The following FHOD3 variants were observed in gnomAD, a reference collection of about 807,000 sequenced individuals.
FHOD3 encodes the protein formin homology 2 domain containing 3.
Under a neutral mutation model 173.0 loss-of-function variants are expected in FHOD3, and 90 were observed. That is an observed-to-expected ratio of 0.52 (90% CI 0.44 to 0.62). FHOD3 has a LOEUF of 0.62. FHOD3 is among the 20% of genes least tolerant of loss of function. The probability of loss-of-function intolerance (pLI) is 0.00; values close to 1 mark genes in which losing one functional copy is unlikely to be tolerated. For synonymous variants in FHOD3, 828 were observed against 823.0 expected (o/e 1.01, Z -0.10); for missense variants, 1,945 against 2,034.7 (o/e 0.96, Z 0.85).
rs891891096 is a variant in FHOD3, at chr18:36,522,262, A to G, written c.511+9719A>G. On this transcript the variant is annotated intron_variant, in intron 5 of 28. Coordinates refer to ENST00000590592, the MANE Select transcript of FHOD3 (RefSeq NM_001281740.3). Reference sequence around the variant, plus strand: ...GAAGAATGATAGACTATCTGCAGAGAAAGAGAAGTCACTACTTGTGAGAAA... The same window carrying G: ...GAAGAATGATAGACTATCTGCAGAGGAAGAGAAGTCACTACTTGTGAGAAA... Among the ~76,000 whole-genome samples, 4 of 152,318 alleles carry G rather than the reference A, an allele frequency of 2.6e-5. No homozygotes were observed. In the East Asian group the frequency reaches 7.7e-4, roughly 29 times the overall value.
At chr18:36,467,481 C>T (rs761139781) in intron 3 of FHOD3, among the ~76,000 whole-genome samples, 1 of 152,126 alleles carries the variant, frequency 6.6e-6, no homozygotes, top group African/African-American at 2.4e-5. Context: ...CCCTTCTTCC[C>T]TTCCAGGGCA....
chr18:36,743,857 G>T (rs1041140410), intron 22 of FHOD3, among the ~76,000 whole-genome samples, 175 bp from the exon 23 acceptor site: 1 of 152,156 alleles, frequency 6.6e-6, no homozygotes, highest in Non-Finnish European at 1.5e-5. Context: ...CTCATTCTCA[G>T]GGTGGCTGGC....
At chr18:36,490,411 C>G (rs1004963807) in intron 3 of FHOD3, among the ~76,000 whole-genome samples, 5 of 152,118 alleles carry the variant, frequency 3.3e-5, no homozygotes, top group African/African-American at 1.2e-4. Flanking sequence ...AATGGCTTTG[C>G]TTGGGCTTTC....
intron 14 of FHOD3, among the ~76,000 whole-genome samples, chr18:36,660,942 G>A (rs16968136): frequency 0.024 from 3,716 of 152,274 alleles, 157 homozygotes; most frequent in African/African-American, 0.085. Context: ...GAGCGAGTAC[G>A]GTAGCTTCTA....
intron 3 of FHOD3, among the ~76,000 whole-genome samples, chr18:36,433,219 G>A (rs1463797831): frequency 3.3e-5 from 5 of 152,134 alleles, no homozygotes; most frequent in Admixed American, 6.5e-5. Context: ...TCACATTCAC[G>A]AGTCTAACCC....
At chr18:36,411,190 G>T (rs2049335824) in intron 3 of FHOD3, among the ~76,000 whole-genome samples, 1 of 151,910 alleles carries the variant, frequency 6.6e-6, no homozygotes, top group Non-Finnish European at 1.5e-5. Context: ...GTGAGGTAGG[G>T]GTCCAATTTA....
intron 1 of FHOD3, among the ~76,000 whole-genome samples, chr18:36,334,819 C>A (rs771749056): frequency 8.5e-5 from 13 of 152,196 alleles, no homozygotes; most frequent in Non-Finnish European, 1.9e-4. Context: ...AAAAGTGTGA[C>A]TGAAAGAGGG....
intron 5 of FHOD3, among the ~76,000 whole-genome samples, chr18:36,543,854 A>G (rs1310807694): frequency 6.6e-6 from 1 of 152,220 alleles, no homozygotes; most frequent in East Asian, 1.9e-4. Context: ...AAAAATGTTT[A>G]TGGAAAAAAG....
intron 3 of FHOD3, among the ~76,000 whole-genome samples, chr18:36,471,933 T>A (rs16967888): frequency 0.021 from 3,227 of 152,286 alleles, 44 homozygotes; most frequent in Non-Finnish European, 0.034. Flanking sequence ...TGTGAAAGAA[T>A]CCAATCCAGA....
At chr18:36,422,849 A>T (rs943764108) in intron 3 of FHOD3, among the ~76,000 whole-genome samples, 1 of 152,222 alleles carries the variant, frequency 6.6e-6, no homozygotes, top group African/African-American at 2.4e-5. Context: ...GGAAGGGTGT[A>T]TCAGGAAGAT....
chr18:36,760,840 G>A lies in FHOD3; in HGVS notation c.4624+58G>A, dbSNP rs925654081. On this transcript the variant is annotated intron_variant, in intron 27 of 28. Coordinates refer to ENST00000590592, the MANE Select transcript of FHOD3 (RefSeq NM_001281740.3). ...TTCTCAGGTTGGCCGCTCTGGGGGGGTCCGGTCTCCATCGCAGGCTGCGGT... is the reference window on the plus strand; with the variant it reads ...TTCTCAGGTTGGCCGCTCTGGGGGGATCCGGTCTCCATCGCAGGCTGCGGT... The A allele has an allele frequency of 2.0e-5, 30 of 1,507,202 alleles. No individual in the cohort carries two copies. In the Admixed American group the frequency reaches 4.0e-4, roughly 20 times the overall value. The allele number at this position is 1,507,202 out of a possible 1,614,324, so 93.4% of individuals were successfully genotyped here.
At chr18:36,722,397 A>G (rs1356829311) in intron 19 of FHOD3, among the ~76,000 whole-genome samples, 1 of 152,206 alleles carries the variant, frequency 6.6e-6, no homozygotes, top group East Asian at 1.9e-4. Flanking sequence ...CAGCCAGACC[A>G]AAACAGACAT....
In FHOD3 at chr18:36,769,393, G is replaced by A; in HGVS notation, c.4753G>A (p.Glu1585Lys). ...QVPSQRVVPRERKRSRANRKS... is the reference protein window; with the variant it reads ...QVPSQRVVPRKRKRSRANRKS... ...GCCCAGTCAGCGAGTGGTGCCGAGG[G>A]AGAGGAAACGATCCCGGGCCAACCG... The change falls in exon 28 of 29, where the codon GAG (glutamate) becomes AAG (lysine). Residue 1585 changes from glutamate (E) to lysine (K), a missense_variant. By Grantham distance (56) the Glu-to-Lys change is moderately conservative (BLOSUM62 1). Coordinates refer to ENST00000590592, the MANE Select transcript of FHOD3 (RefSeq NM_001281740.3). 6.2e-7 allele frequency: 1 copy of A among 1,614,166 alleles called. No homozygotes were observed. The highest frequency in any genetic ancestry group is 8.5e-7 in the Non-Finnish European group (1 of 1,180,028).
In FHOD3 at chr18:36,576,496, T is replaced by A; in HGVS notation, c.557T>A (p.Ile186Lys). The A allele has an allele frequency of 1.9e-6, 3 of 1,613,940 alleles. No homozygotes were observed. In the South Asian group the frequency reaches 3.3e-5, roughly 18 times the overall value. ...TATGTGGATGGAATGAATGGAGTAA[T>A]AAACCGCAATGAAACCATTCAGTGG... Reference protein sequence around the residue: ...MLYVDGMNGVINRNETIQWLY... With the variant: ...MLYVDGMNGVKNRNETIQWLY... The change falls in exon 6 of 29, where the codon ATA becomes AAA. Residue 186 changes from isoleucine (I) to lysine (K), a missense_variant. Around this residue, in one of 5 missense-constraint regions of FHOD3, gnomAD observed 245 missense variants for 267.7 expected, o/e 0.92. Coordinates refer to ENST00000590592, the MANE Select transcript of FHOD3 (RefSeq NM_001281740.3).
intron 1 of FHOD3, among the ~76,000 whole-genome samples, chr18:36,307,088 C>G (rs760406427): frequency 1.8e-4 from 27 of 152,168 alleles, no homozygotes; most frequent in South Asian, 6.2e-4. Flanking sequence ...CTCAGCCTCC[C>G]AAGTAGCTGG....
rs113292593 is a variant in FHOD3, at chr18:36,479,831, G to C, written c.338-22101G>C. On this transcript the variant is annotated intron_variant, in intron 3 of 28. Coordinates refer to ENST00000590592, the MANE Select transcript of FHOD3 (RefSeq NM_001281740.3). Reference sequence around the variant, plus strand: ...ACCCTCCATGCTACTGCCCAGGTAGGCTGGCACTGATGCCCTGCCACGCAT... The same window carrying C: ...ACCCTCCATGCTACTGCCCAGGTAGCCTGGCACTGATGCCCTGCCACGCAT... 2.3e-3 allele frequency among the ~76,000 whole-genome samples: 352 copies of C among 152,154 alleles called. 4 individuals are homozygous for C. The highest frequency in any genetic ancestry group is 8.3e-3 in the African/African-American group (343 of 41,512).
chr18:36,659,007 C>A (rs2036604517), intron 14 of FHOD3, among the ~76,000 whole-genome samples: 1 of 152,198 alleles, frequency 6.6e-6, no homozygotes, highest in East Asian at 1.9e-4. Flanking sequence ...TAACTTCCAG[C>A]AGCTCCTCAT....
In FHOD3 at chr18:36,626,935, A is replaced by G. The variant is rs540732393; in HGVS notation, c.1196+1186A>G. Reference sequence around the variant, plus strand: ...AGATACCTGTTATCCCAGGAGGAGGAGGGACTGGTTTGAGATAGATGTGCA... The same window carrying G: ...AGATACCTGTTATCCCAGGAGGAGGGGGGACTGGTTTGAGATAGATGTGCA... On this transcript the variant is annotated intron_variant, in intron 10 of 28. Coordinates refer to ENST00000590592, the MANE Select transcript of FHOD3 (RefSeq NM_001281740.3). Among the ~76,000 whole-genome samples the G allele has an allele frequency of 2.0e-5, 3 of 152,314 alleles. No homozygotes were observed. The South Asian group carries it at 6.2e-4, about 32-fold the overall frequency.
chr18:36,647,272 A>T (rs947493110), intron 10 of FHOD3, among the ~76,000 whole-genome samples: 7 of 152,186 alleles, frequency 4.6e-5, no homozygotes, highest in African/African-American at 1.7e-4. Context: ...TACAAAAAAA[A>T]ATTCATTTTT....
Sources: allele counts gnomAD v4.1 joint callset (sites outside exome capture counted in the v4.1 genomes callset), GRCh38; gene constraint gnomAD v4.1.1; regional missense constraint gnomAD v4.1.1; transcripts MANE v1.5; gene names NCBI Gene and HGNC (gene_info 2026-07-23, HGNC 2026-07-21).